Variants in AFG1L observed in about 807,000 individuals in gnomAD.
AFG1L encodes the protein AFG1-like ATPase.
In AFG1L, 53 loss-of-function variants were observed where a neutral mutation model predicts 62.2. The observed-to-expected ratio is 0.85, with a 90% CI of 0.68 to 1.07. AFG1L has a LOEUF of 1.07. Ranked by LOEUF, AFG1L falls within the 50% of genes least tolerant of loss-of-function variation. The pLI, the probability that AFG1L is intolerant of heterozygous loss-of-function variation, is 0.00. For synonymous variants in AFG1L, 228 were observed against 210.3 expected (o/e 1.08, Z -0.73); for missense variants, 555 against 590.5 (o/e 0.94, Z 0.62).
At chr6:108,329,355 A>G (rs1043543230) in intron 2 of AFG1L, among the ~76,000 whole-genome samples, 10 of 151,858 alleles carry the variant, frequency 6.6e-5, no homozygotes, top group Non-Finnish European at 1.0e-4. Context: ...CTGGAGTGCA[A>G]TGGTGCGATC....
At chr6:108,400,758 T>A (rs1781549387) in intron 6 of AFG1L, among the ~76,000 whole-genome samples, 1 of 127,158 alleles carries the variant, frequency 7.9e-6, no homozygotes, top group South Asian at 2.2e-4. Context: ...ATATTATATA[T>A]GTTATATATT....
chr6:108,494,770 C>T (rs1376581179), intron 10 of AFG1L, among the ~76,000 whole-genome samples: 1 of 149,984 alleles, frequency 6.7e-6, no homozygotes, highest in Non-Finnish European at 1.5e-5. Context: ...TTTTTCTTTT[C>T]TTTTCTTTTT....
At chr6:108,509,714 G>GT (rs1457781142) in intron 10 of AFG1L, among the ~76,000 whole-genome samples, 1 of 152,120 alleles carries the variant, frequency 6.6e-6, no homozygotes, top group East Asian at 1.9e-4. Context: ...TATGTTATCT[G>GT]TGTCCTTAGC....
At chr6:108,507,559 G>T (rs530255290) in intron 10 of AFG1L, among the ~76,000 whole-genome samples, 48 of 152,316 alleles carry the variant, frequency 3.2e-4, no homozygotes, top group Middle Eastern at 6.8e-3. Context: ...GCACTTCAGT[G>T]CACTTCTGAT....
At chr6:108,330,223 AGGCTGGAGTACAGT>A (rs1778220916) in intron 2 of AFG1L, among the ~76,000 whole-genome samples, 1 of 140,102 alleles carries the variant, frequency 7.1e-6, no homozygotes, top group South Asian at 2.2e-4. Context: ...CTCTGTTGCC[AGGCTGGAGTACAGT>A]GGTGTGATCT....
In AFG1L at chr6:108,522,761, C is replaced by T. The variant is rs1775173594; in HGVS notation, c.*336C>T. ...AAGTAAATGCAAGACGTCTGGATAC[C>T]TTCAAGCTTTGGCTGCATGGTGGTG... On this transcript the variant is annotated 3_prime_UTR_variant, in exon 13 of 13. Coordinates refer to ENST00000368977, the MANE Select transcript of AFG1L (RefSeq NM_145315.5). 6.1e-6 allele frequency: 1 copy of T among 165,024 alleles called. No homozygotes were observed. The highest frequency in any genetic ancestry group is 1.3e-5 in the Non-Finnish European group (1 of 76,138). The allele number at this position is 165,024 out of a possible 1,614,324, so 10.2% of individuals were successfully genotyped here.
intron 2 of AFG1L, among the ~76,000 whole-genome samples, chr6:108,330,897 TATTC>T (rs566398668): frequency 1.6e-3 from 242 of 152,356 alleles, no homozygotes; most frequent in African/African-American, 4.9e-3. Context: ...CAATTTCAGA[TATTC>T]TGTTATAAGC....
intron 10 of AFG1L, among the ~76,000 whole-genome samples, chr6:108,488,076 G>T: frequency 6.6e-6 from 1 of 152,208 alleles, no homozygotes; most frequent in Non-Finnish European, 1.5e-5. Context: ...CTTCTTTCCA[G>T]AAGGAAACTT....
At chr6:108,460,579 T>C (rs1772416189) in intron 8 of AFG1L, among the ~76,000 whole-genome samples, 1 of 152,244 alleles carries the variant, frequency 6.6e-6, no homozygotes, top group Non-Finnish European at 1.5e-5. Flanking sequence ...TTTACTGCTT[T>C]CTCTTACATT....
intron 1 of AFG1L, among the ~76,000 whole-genome samples, chr6:108,303,936 T>G (rs1439362548): frequency 1.3e-5 from 2 of 152,230 alleles, no homozygotes; most frequent in Non-Finnish European, 2.9e-5. Flanking sequence ...TGCCTGTAAT[T>G]ACTTCAGAAT....
At chr6:108,369,378 G>T (rs1228576719) in intron 6 of AFG1L, among the ~76,000 whole-genome samples, 4 of 152,156 alleles carry the variant, frequency 2.6e-5, no homozygotes, top group Non-Finnish European at 4.4e-5. Flanking sequence ...GATAGTGAAT[G>T]ACAGAACAAA....
Position 108,477,051 on chromosome 6 carries a change from A to C in AFG1L, c.961+116A>C, listed in dbSNP as rs185912659. The C allele has an allele frequency of 3.1e-4, 330 of 1,053,634 alleles. 3 individuals carry two copies. The African/African-American group carries it at 4.7e-3, about 15-fold the overall frequency. 65.3% of individuals were successfully genotyped at this position (1,053,634 alleles called of 1,614,324 possible). A position where few individuals can be genotyped will look rare whatever the true frequency, so the allele number is the denominator to read the frequency against. On this transcript the variant is annotated intron_variant, in intron 9 of 12. Coordinates refer to ENST00000368977, the MANE Select transcript of AFG1L (RefSeq NM_145315.5). ...TGGGTTGATGCCACGCTCAAGTGGC[A>C]GTCATTGTATCAGCATTTTGTCTAA... is the stretch of plus-strand genomic sequence containing the variant.
intron 10 of AFG1L, among the ~76,000 whole-genome samples, chr6:108,501,051 C>T (rs538010973): frequency 2.0e-5 from 3 of 151,708 alleles, no homozygotes; most frequent in African/African-American, 4.8e-5. Flanking sequence ...TGGAGTGCAA[C>T]GGTGTGATCT....
chr6:108,444,062 A>G (rs141869262), intron 7 of AFG1L, among the ~76,000 whole-genome samples: 1 of 88,094 alleles, frequency 1.1e-5, no homozygotes, highest in South Asian at 3.0e-4. Context: ...TCTCCCATCT[A>G]TCTATCTATC....
chr6:108,507,897 C>G (rs914503549), intron 10 of AFG1L, among the ~76,000 whole-genome samples: 2 of 152,142 alleles, frequency 1.3e-5, no homozygotes, highest in Non-Finnish European at 2.9e-5. Flanking sequence ...CCAAGACAGA[C>G]AAGTGCACAA....
At chr6:108,370,249 G>C (rs552236968) in intron 6 of AFG1L, among the ~76,000 whole-genome samples, 59 of 152,136 alleles carry the variant, frequency 3.9e-4, no homozygotes, top group Non-Finnish European at 7.8e-4. Flanking sequence ...GATGTGATCT[G>C]AGTTGGAAAT....
chr6:108,524,059 C>CAGTTTTGT lies in AFG1L; in HGVS notation c.*1639_*1640insTGTAGTTT, dbSNP rs1314316161. On this transcript the variant is annotated 3_prime_UTR_variant, in exon 13 of 13. Transcript: ENST00000368977. ...GTTAAGTAGCTTGACCTGAGATTCA[C>CAGTTTTGT]AGTTTACAACTACAAAACTCATATA... 6.6e-6 allele frequency: 1 copy of CAGTTTTGT among 152,068 alleles called. No homozygotes were observed. The highest frequency in any genetic ancestry group is 1.5e-5 in the Non-Finnish European group (1 of 67,992). 9.4% of individuals were successfully genotyped at this position (152,068 alleles called of 1,614,324 possible).
chr6:108,354,562 C>A (rs1458632100), intron 3 of AFG1L, among the ~76,000 whole-genome samples: 3 of 152,080 alleles, frequency 2.0e-5, no homozygotes, highest in Admixed American at 1.3e-4. Context: ...ACCTTGGCCT[C>A]CCAAAGTGCT....
At chr6:108,468,449 T>C (rs1384499262) in intron 8 of AFG1L, among the ~76,000 whole-genome samples, 2 of 152,218 alleles carry the variant, frequency 1.3e-5, no homozygotes, top group Non-Finnish European at 2.9e-5. Flanking sequence ...TGACTTTTTA[T>C]ATTTGACCTG....
Sources: allele counts gnomAD v4.1 joint callset (sites outside exome capture counted in the v4.1 genomes callset), GRCh38; gene constraint gnomAD v4.1.1; transcripts MANE v1.5; gene names NCBI Gene and HGNC (gene_info 2026-07-23, HGNC 2026-07-21).